The following ROBO2 variants were observed in gnomAD, a reference collection of about 807,000 sequenced individuals.
The protein encoded by ROBO2 is roundabout guidance receptor 2.
Under a neutral mutation model 160.8 loss-of-function variants are expected in ROBO2, and 53 were observed. The observed-to-expected ratio is 0.33, with a 90% confidence interval of 0.26 to 0.41. The LOEUF (loss-of-function observed/expected upper bound fraction) is 0.41, where lower values mean the gene tolerates loss of function less well. ROBO2 is among the 10% of genes least tolerant of loss of function. The pLI is 1.00. For synonymous variants in ROBO2, 664 were observed against 611.7 expected (o/e 1.09, Z -1.26); for missense variants, 1,577 against 1,722.4 (o/e 0.92, Z 1.49).
chr3:76,707,656 C>T (rs893965953), intron 2 of ROBO2, among the ~76,000 whole-genome samples: 7 of 151,206 alleles, frequency 4.6e-5, no homozygotes, highest in Non-Finnish European at 8.8e-5. Flanking sequence ...TTTTCATTCT[C>T]TGTGTTCATG....
At chr3:76,751,769 G>A (rs574417880) in intron 2 of ROBO2, among the ~76,000 whole-genome samples, 21 of 152,022 alleles carry the variant, frequency 1.4e-4, no homozygotes, top group Non-Finnish European at 2.6e-4. Flanking sequence ...TTAGAATGGC[G>A]ATCATTAAAA....
At chr3:77,162,136 T>G (rs79843989) in intron 2 of ROBO2, among the ~76,000 whole-genome samples, 1 of 151,504 alleles carries the variant, frequency 6.6e-6, no homozygotes, top group Non-Finnish European at 1.5e-5. Flanking sequence ...CTTCTCAGTA[T>G]TAAAAAAAAA....
chr3:76,476,026 G>A (rs554685270), intron 2 of ROBO2, among the ~76,000 whole-genome samples: 4 of 152,142 alleles, frequency 2.6e-5, no homozygotes, highest in East Asian at 1.9e-4. Context: ...GCTGGTGGTC[G>A]CCTGTAATCC....
At chr3:77,551,815 G>A (rs1466111287) in intron 8 of ROBO2, among the ~76,000 whole-genome samples, 5 of 151,938 alleles carry the variant, frequency 3.3e-5, no homozygotes. Flanking sequence ...TTCTCTGATG[G>A]TGAAATTTGA....
At chr3:76,329,062 C>T (rs1402302677) in intron 2 of ROBO2, among the ~76,000 whole-genome samples, 2 of 151,830 alleles carry the variant, frequency 1.3e-5, no homozygotes, top group Admixed American at 6.6e-5. Context: ...AACAGCTCAA[C>T]GGATCAGAGG....
chr3:76,346,090 A>C, intron 2 of ROBO2, among the ~76,000 whole-genome samples: 1 of 152,258 alleles, frequency 6.6e-6, no homozygotes, highest in East Asian at 1.9e-4. Flanking sequence ...AAAGCACTAA[A>C]GATCAGCCTT....
At chr3:77,053,418 A>G (rs1356753453) in intron 1 of ROBO2, among the ~76,000 whole-genome samples, 4 of 152,208 alleles carry the variant, frequency 2.6e-5, no homozygotes, top group African/African-American at 9.6e-5. Flanking sequence ...TTTCATCTGA[A>G]TATGAGAACA....
chr3:77,563,881 C>T (rs1559621860), intron 11 of ROBO2, among the ~76,000 whole-genome samples: 4 of 152,002 alleles, frequency 2.6e-5, no homozygotes, highest in South Asian at 2.1e-4. Context: ...GATGTTTCCA[C>T]GTGTTATCTG....
Position 76,254,238 on chromosome 3 carries a change from C to A in ROBO2, c.109+316636C>A, listed in dbSNP as rs192475543. On this transcript the variant is annotated intron_variant, in intron 2 of 26. Transcript: ENST00000487694. The stretch of plus-strand genomic sequence containing the variant: ...TTTCTAAATATAAAAATGAAGTCAG[C>A]ATATATTTTCTATTAGTGTATTATA... Among the ~76,000 whole-genome samples the A allele has an allele frequency of 2.3e-3, 356 of 152,096 alleles. 3 individuals carry two copies. The highest frequency in any genetic ancestry group is 8.2e-3 in the African/African-American group (340 of 41,512).
At chr3:76,934,196 T>G in intron 2 of ROBO2, among the ~76,000 whole-genome samples, 1 of 136,110 alleles carries the variant, frequency 7.3e-6, no homozygotes, top group Non-Finnish European at 1.5e-5. Flanking sequence ...GTGTATGACA[T>G]GAGATCGAAA....
intron 2 of ROBO2, among the ~76,000 whole-genome samples, chr3:76,201,525 TA>T (rs748831235): frequency 3.9e-5 from 6 of 152,216 alleles, no homozygotes; most frequent in Non-Finnish European, 8.8e-5. Context: ...ATTGTTGAAC[TA>T]TGTCCCTGTG....
chr3:75,962,175 A>G (rs1478927288), intron 2 of ROBO2, among the ~76,000 whole-genome samples: 1 of 151,728 alleles, frequency 6.6e-6, no homozygotes, highest in African/African-American at 2.4e-5. Flanking sequence ...TCTTGAAAGC[A>G]AAAGAAAAAT....
chr3:77,007,143 T>C (rs921956790), intron 2 of ROBO2, among the ~76,000 whole-genome samples: 1 of 152,092 alleles, frequency 6.6e-6, no homozygotes, highest in Non-Finnish European at 1.5e-5. Flanking sequence ...AGAATTGCCT[T>C]CTTCCAACTG....
intron 2 of ROBO2, among the ~76,000 whole-genome samples, chr3:77,123,857 A>C (rs1325349098): frequency 6.7e-6 from 1 of 149,086 alleles, no homozygotes; most frequent in Non-Finnish European, 1.5e-5. Context: ...ATCTATATAG[A>C]TACATAGATA....
chr3:77,463,973 A>G (rs967099616), intron 2 of ROBO2, among the ~76,000 whole-genome samples: 1 of 152,204 alleles, frequency 6.6e-6, no homozygotes, highest in Admixed American at 6.5e-5. Flanking sequence ...AGTAAAATTC[A>G]AAGTCTTTCT....
chr3:77,043,703 C>T (rs2064329122), intron 1 of ROBO2, among the ~76,000 whole-genome samples: 1 of 152,086 alleles, frequency 6.6e-6, no homozygotes, highest in African/African-American at 2.4e-5. Context: ...GTTTTGCAGT[C>T]ATTTATGGGA....
At position 76,977,277 on chromosome 3, in the gene ROBO2, G is replaced by T. The variant is rs77234633; in HGVS notation, c.110-120737G>T. Among the ~76,000 whole-genome samples, 1,446 of 152,210 alleles carry T rather than the reference G, an allele frequency of 9.5e-3. 25 individuals are homozygous for T. The highest frequency in any genetic ancestry group is 0.033 in the African/African-American group (1,353 of 41,546). ...CTGCATTATAACAAACATTTTAAAA[G>T]AAAGCTTTACAGAGAGGAAAGTGAT... is the stretch of plus-strand genomic sequence containing the variant. On this transcript the variant is annotated intron_variant, in intron 2 of 26. Transcript: ENST00000487694.
At position 77,374,537 on chromosome 3, in the gene ROBO2, T is replaced by G. The variant is rs192948567; in HGVS notation, c.389-102877T>G. On this transcript the variant is annotated intron_variant, in intron 2 of 25. Transcript: ENST00000461745. Reference sequence around the variant, plus strand: ...GTGTTAAATAGAAAATATTGCCATTTAAACTTCTGTGTAGATTACTGTTAA... The same window carrying G: ...GTGTTAAATAGAAAATATTGCCATTGAAACTTCTGTGTAGATTACTGTTAA... Among the ~76,000 whole-genome samples the G allele has an allele frequency of 2.7e-3, 414 of 152,370 alleles. 2 individuals are homozygous for G. The highest frequency in any genetic ancestry group is 9.5e-3 in the African/African-American group (394 of 41,598).
At chr3:76,035,448 G>C (rs982158814) in intron 2 of ROBO2, among the ~76,000 whole-genome samples, 2 of 151,812 alleles carry the variant, frequency 1.3e-5, no homozygotes, top group African/African-American at 4.9e-5. Flanking sequence ...AATTAAGACT[G>C]GAAGCATGAT....
Sources: allele counts gnomAD v4.1 joint callset (sites outside exome capture counted in the v4.1 genomes callset), GRCh38; gene constraint gnomAD v4.1.1; transcripts MANE v1.5; gene names NCBI Gene and HGNC (gene_info 2026-07-23, HGNC 2026-07-21).